Variants in WWP2 observed in about 807,000 individuals in gnomAD.
WWP2 encodes the protein NEDD4-like E3 ubiquitin-protein ligase WWP2.
In WWP2, 57 loss-of-function variants were observed where a neutral mutation model predicts 121.0. That is an observed-to-expected ratio of 0.47 (90% CI 0.38 to 0.59). The LOEUF is 0.59. Ranked by LOEUF, WWP2 falls within the 20% of genes least tolerant of loss-of-function variation. The pLI, the probability that WWP2 is intolerant of heterozygous loss-of-function variation, is 0.00. For synonymous variants in WWP2, 449 were observed against 441.3 expected (o/e 1.02, Z -0.22); for missense variants, 962 against 1,158.9 (o/e 0.83, Z 2.47).
intron 6 of WWP2, among the ~76,000 whole-genome samples, chr16:69,861,874 G>A (rs1025799149): frequency 2.0e-5 from 3 of 151,760 alleles, no homozygotes; most frequent in Non-Finnish European, 4.4e-5. Flanking sequence ...TTTCCATGCA[G>A]CTATTAAAAG....
chr16:69,834,419 C>T (rs554137293), intron 4 of WWP2, among the ~76,000 whole-genome samples: 1 of 152,182 alleles, frequency 6.6e-6, no homozygotes, highest in East Asian at 1.9e-4. Context: ...TCTTCTCTAC[C>T]CCACATCCTC....
rs1487293242 is a variant in WWP2 at position 69,930,261 on chromosome 16, A to G, written c.1445+3A>G. 5.6e-6 allele frequency: 9 copies of G among 1,613,666 alleles called. No individual in the cohort carries two copies. The highest frequency in any genetic ancestry group is 7.6e-6 in the Non-Finnish European group (9 of 1,179,824). On this transcript the variant is annotated splice_donor_region_variant and intron_variant, in intron 13 of 23. Coordinates refer to ENST00000359154, the MANE Select transcript of WWP2 (RefSeq NM_001270454.2). ...CCTCGCCCGGGGTTTGAGTCGGGGT[A>G]AGGACTTTGTGCAGGTAGCAGCAGT...
rs1046126183 is a variant in WWP2, at chr16:69,925,741, G to T, written c.1234+257G>T. Among the ~76,000 whole-genome samples the T allele has an allele frequency of 9.2e-5, 14 of 152,198 alleles. No homozygotes were observed. The highest frequency in any genetic ancestry group is 1.9e-4 in the Non-Finnish European group (13 of 68,032). On this transcript the variant is annotated intron_variant, in intron 11 of 23. Coordinates refer to ENST00000359154, the MANE Select transcript of WWP2 (RefSeq NM_001270454.2). The surrounding 1 kb of genome is among the most constrained non-coding windows in gnomAD (Gnocchi z 4.0). ...AAGGAGTGTGACCCTAAGAAAAGATGTCCCTGAGCAGCTGGGGGGCTATTG... is the reference window on the plus strand; with the variant it reads ...AAGGAGTGTGACCCTAAGAAAAGATTTCCCTGAGCAGCTGGGGGGCTATTG...
intron 6 of WWP2, among the ~76,000 whole-genome samples, chr16:69,842,599 A>G (rs1322537022): frequency 2.6e-5 from 4 of 152,086 alleles, no homozygotes; most frequent in Admixed American, 6.6e-5. Flanking sequence ...CTGTTTCTGC[A>G]TTGATTTGCT....
In WWP2 at chr16:69,940,756, G is replaced by A. The variant is rs3748386; in HGVS notation, c.*816G>A. On this transcript the variant is annotated 3_prime_UTR_variant, in exon 24 of 24. Coordinates refer to ENST00000359154, the MANE Select transcript of WWP2 (RefSeq NM_001270454.2). Reference sequence around the variant, plus strand: ...TTTGGGTCCAAGAGTTTCCCAAACAGCCACGCCTCTCAGGAACCCACCTGG... The same window carrying A: ...TTTGGGTCCAAGAGTTTCCCAAACAACCACGCCTCTCAGGAACCCACCTGG... 61,274 of 152,704 alleles carry A rather than the reference G, an allele frequency of 0.4. 13,140 individuals carry two copies. The highest frequency in any genetic ancestry group is 0.88 in the East Asian group (4,514 of 5,158). The allele number at this position is 152,704 out of a possible 1,614,324, so 9.5% of individuals were successfully genotyped here. A position where few individuals can be genotyped will look rare whatever the true frequency, so the allele number is the denominator to read the frequency against.
At chr16:69,790,652 T>C (rs144981817) in intron 2 of WWP2, among the ~76,000 whole-genome samples, 1,825 of 152,300 alleles carry the variant, frequency 0.012, 28 homozygotes, top group African/African-American at 0.039. Context: ...CTTGGCTCAC[T>C]GCGACCTCTG....
intron 7 of WWP2, among the ~76,000 whole-genome samples, chr16:69,884,125 A>C (rs1249509348): frequency 6.6e-6 from 1 of 152,196 alleles, no homozygotes; most frequent in East Asian, 1.9e-4. Context: ...ATACAAGCGT[A>C]TGTATATATA....
At chr16:69,834,676 G>T (rs544768550) in intron 4 of WWP2, among the ~76,000 whole-genome samples, 3 of 150,944 alleles carry the variant, frequency 2.0e-5, no homozygotes, top group African/African-American at 7.3e-5. Flanking sequence ...ACAGGTGCCC[G>T]CTACCACACC....
intron 1 of WWP2, among the ~76,000 whole-genome samples, chr16:69,774,199 A>G (rs1013527314): frequency 6.6e-6 from 1 of 151,970 alleles, no homozygotes. Flanking sequence ...TCCATCTTAC[A>G]TTTCCACCCA....
intron 2 of WWP2, among the ~76,000 whole-genome samples, chr16:69,790,900 A>G (rs1473119051): frequency 1.3e-5 from 2 of 152,046 alleles, no homozygotes; most frequent in African/African-American, 4.8e-5. Context: ...TATATATTTA[A>G]GGGCGGTTGT....
At chr16:69,902,771 C>T (rs1333317937) in intron 8 of WWP2, among the ~76,000 whole-genome samples, 1 of 152,128 alleles carries the variant, frequency 6.6e-6, no homozygotes, top group Non-Finnish European at 1.5e-5. Context: ...CAAACCAAGA[C>T]AGTCGGAGGC....
chr16:69,830,715 G>T (rs184067284), intron 4 of WWP2, among the ~76,000 whole-genome samples: 2 of 152,332 alleles, frequency 1.3e-5, no homozygotes, highest in African/African-American at 4.8e-5. Context: ...GCCTAGCTGG[G>T]TAGAAGAGAC....
In WWP2 at chr16:69,940,310, T is replaced by A. The variant is rs2058863741; in HGVS notation, c.*370T>A. On this transcript the variant is annotated 3_prime_UTR_variant, in exon 24 of 24. Transcript: ENST00000359154. Reference sequence around the variant, plus strand: ...CGCAGAGGCCGGAGACCTCCTGGACTAGTTCGGCGAGGAGACTGGCCACTG... The same window carrying A: ...CGCAGAGGCCGGAGACCTCCTGGACAAGTTCGGCGAGGAGACTGGCCACTG... 4.7e-6 allele frequency: 1 copy of A among 212,748 alleles called. No homozygotes were observed. Among genetic ancestry groups the A allele is most frequent in the Non-Finnish European group, 9.4e-6 (1 of 106,344 alleles). 13.2% of individuals were successfully genotyped at this position (212,748 alleles called of 1,614,324 possible). A position where few individuals can be genotyped will look rare whatever the true frequency, so the allele number is the denominator to read the frequency against.
intron 11 of WWP2, among the ~76,000 whole-genome samples, chr16:69,927,486 A>G (rs1245476581): frequency 1.3e-5 from 2 of 152,234 alleles, no homozygotes; most frequent in Non-Finnish European, 2.9e-5. Context: ...AGGTCGAGCC[A>G]GGTGTTCCTG....
chr16:69,879,987 G>A (rs1432717967), intron 7 of WWP2, among the ~76,000 whole-genome samples: 1 of 150,966 alleles, frequency 6.6e-6, no homozygotes, highest in Non-Finnish European at 1.5e-5. Flanking sequence ...TCTATAAAAT[G>A]AGATACTTTT....
rs972879566 is a variant in WWP2 at position 69,936,757 on chromosome 16, A to T, written c.2117+305A>T. On this transcript the variant is annotated intron_variant, in intron 19 of 23. Coordinates refer to ENST00000359154, the MANE Select transcript of WWP2 (RefSeq NM_001270454.2). ...CTGCATCTTTCTCCGGGCCGAAAGG[A>T]TCTCTGTGGCCTGTGTGCCTAGACC... 1.2e-5 allele frequency: 6 copies of T among 497,922 alleles called. No individual in the cohort carries two copies. In the Admixed American group the frequency reaches 1.6e-4, roughly 14 times the overall value. The allele number at this position is 497,922 out of a possible 1,614,324, so 30.8% of individuals were successfully genotyped here. A position where few individuals can be genotyped will look rare whatever the true frequency, so the allele number is the denominator to read the frequency against.
rs753434083 is a variant in WWP2, at chr16:69,936,281, C to T, written c.1977-31C>T. 3 of 1,613,676 alleles carry T rather than the reference C, an allele frequency of 1.9e-6. No individual in the cohort carries two copies. In the Admixed American group the frequency reaches 5.0e-5, roughly 27 times the overall value. ...CCAGGAAAGACCCTGACACGGTAGA[C>T]ATCTCCCCACTTGGTCTCCTGTGCC... On this transcript the variant is annotated intron_variant, in intron 18 of 23. Coordinates refer to ENST00000359154, the MANE Select transcript of WWP2 (RefSeq NM_001270454.2).
At chr16:69,805,044 C>CTT (rs1318031530) in intron 4 of WWP2, among the ~76,000 whole-genome samples, 1 of 143,066 alleles carries the variant, frequency 7.0e-6, no homozygotes, top group Non-Finnish European at 1.5e-5. Flanking sequence ...GCTTGGTAGA[C>CTT]TTTTTTTTTT....
At chr16:69,898,909 G>A (rs2151949947) in intron 8 of WWP2, among the ~76,000 whole-genome samples, 1 of 152,160 alleles carries the variant, frequency 6.6e-6, no homozygotes, top group Admixed American at 6.5e-5. Flanking sequence ...TCACCATGTT[G>A]GTCAGGCTGG....
Sources: allele counts gnomAD v4.1 joint callset (sites outside exome capture counted in the v4.1 genomes callset), GRCh38; gene constraint gnomAD v4.1.1; non-coding constraint Gnocchi (gnomAD v3.1); transcripts MANE v1.5; gene names NCBI Gene and HGNC (gene_info 2026-07-23, HGNC 2026-07-21).